Variants in KCNU1 observed in about 807,000 individuals in gnomAD.
The protein encoded by KCNU1 is potassium channel subfamily U member 1.
KCNU1 carries 93 observed loss-of-function variants against 126.8 expected under a neutral mutation model. The observed-to-expected ratio is 0.73, with a 90% confidence interval of 0.62 to 0.87. The LOEUF is 0.87. KCNU1 is among the 40% of genes least tolerant of loss of function. The probability of loss-of-function intolerance (pLI) is 0.00; values close to 1 mark genes in which losing one functional copy is unlikely to be tolerated. For missense variants in KCNU1, 1,330 were observed against 1,367.1 expected (o/e 0.97, Z 0.43); for synonymous variants, 523 against 494.2 (o/e 1.06, Z -0.77).
At chr8:36,900,163 C>T (rs1585534209) in intron 19 of KCNU1, among the ~76,000 whole-genome samples, 1 of 148,094 alleles carries the variant, frequency 6.8e-6, no homozygotes, top group Non-Finnish European at 1.5e-5. Flanking sequence ...ATGCAAGACA[C>T]AGAGCCTGGT....
intron 21 of KCNU1, 96 bp downstream of exon 21, chr8:36,909,631 G>A: frequency 1.4e-6 from 1 of 718,152 alleles, no homozygotes. Context: ...TACAGTCCTT[G>A]CCAGATGCCA....
intron 2 of KCNU1, among the ~76,000 whole-genome samples, chr8:36,802,669 G>A (rs10216867): frequency 0.27 from 41,693 of 152,010 alleles, 7,141 homozygotes; most frequent in African/African-American, 0.46. Flanking sequence ...CAAGGGAACC[G>A]CAAATGGGAT....
At chr8:36,863,010 G>A (rs935528138) in intron 18 of KCNU1, among the ~76,000 whole-genome samples, 15 of 152,150 alleles carry the variant, frequency 9.9e-5, no homozygotes, top group African/African-American at 3.6e-4. Context: ...CATCAGTCAA[G>A]TGAAGGCTTC....
chr8:36,809,610 A>G (rs772943306), intron 7 of KCNU1, among the ~76,000 whole-genome samples: 1 of 152,210 alleles, frequency 6.6e-6, no homozygotes, highest in Non-Finnish European at 1.5e-5. Flanking sequence ...CATCCTCCTC[A>G]GCACTCAGGA....
intron 10 of KCNU1, among the ~76,000 whole-genome samples, chr8:36,818,947 AGTAC>A (rs1804025433): frequency 1.3e-5 from 2 of 152,218 alleles, no homozygotes; most frequent in Admixed American, 1.3e-4. Flanking sequence ...AAAAACAAAG[AGTAC>A]TAAAACTAGG....
intron 26 of KCNU1, among the ~76,000 whole-genome samples, chr8:36,935,185 G>A (rs556366861): frequency 8.6e-5 from 13 of 152,002 alleles, no homozygotes; most frequent in East Asian, 7.8e-4. Context: ...CCAAATCACC[G>A]TCTTCCCCCT....
intron 19 of KCNU1, among the ~76,000 whole-genome samples, chr8:36,898,952 A>G (rs1260943390): frequency 6.6e-6 from 1 of 152,078 alleles, no homozygotes; most frequent in Admixed American, 6.6e-5. Context: ...CTGTACTAAC[A>G]TTGTAGAAAA....
chr8:36,860,494 C>A (rs774833409), intron 18 of KCNU1, among the ~76,000 whole-genome samples: 66 of 152,240 alleles, frequency 4.3e-4, no homozygotes, highest in Admixed American at 1.7e-3. Flanking sequence ...AGTTTTTGGG[C>A]ATGAAGTTTC....
chr8:36,787,228 G>C (rs556760263), intron 1 of KCNU1, 78 bp from the exon 2 acceptor site: 63 of 1,305,942 alleles, frequency 4.8e-5, no homozygotes, highest in African/African-American at 2.7e-4. Flanking sequence ...ATCACAAGAG[G>C]CTCCATCAAC....
rs373319470 is a variant in KCNU1, at chr8:36,935,569, G to A, written c.3099G>A (p.Val1033=). 3.3e-4 allele frequency: 530 copies of A among 1,612,720 alleles called. 3 individuals are homozygous for A. Among genetic ancestry groups the A allele is most frequent in the Non-Finnish European group, 4.3e-4 (512 of 1,179,204 alleles). ...TCAAGCTGCTGCCTTCAGATCTTGT[G>A]TTTTGTGCCATACCCTTCAGCACTG... ...NEFKLLPSDL[V]FCAIPFSTAC... Residue 1033 remains valine (V), a synonymous_variant, in exon 27 of 27, where the codon GTG becomes GTA. Transcript: ENST00000399881.
At chr8:36,828,207 G>A (rs1056390790) in intron 10 of KCNU1, among the ~76,000 whole-genome samples, 2 of 151,980 alleles carry the variant, frequency 1.3e-5, no homozygotes, top group African/African-American at 4.8e-5. Flanking sequence ...AGAAAATCAG[G>A]ATGAGATTTA....
At chr8:36,807,850 T>A (rs1803564795) in intron 6 of KCNU1, among the ~76,000 whole-genome samples, 1 of 151,946 alleles carries the variant, frequency 6.6e-6, no homozygotes, top group Admixed American at 6.6e-5. Context: ...CATTGGAATG[T>A]AAGACAATTC....
intron 19 of KCNU1, among the ~76,000 whole-genome samples, chr8:36,902,546 C>A (rs1807459932): frequency 6.6e-6 from 1 of 152,094 alleles, no homozygotes; most frequent in African/African-American, 2.4e-5. Context: ...GGTAACATAG[C>A]TATTTCCAAA....
At chr8:36,800,621 G>A (rs1803268505) in intron 2 of KCNU1, among the ~76,000 whole-genome samples, 1 of 152,158 alleles carries the variant, frequency 6.6e-6, no homozygotes, top group Non-Finnish European at 1.5e-5. Context: ...CCATGGCTCA[G>A]GTAAAGGGCT....
intron 26 of KCNU1, 83 bp downstream of exon 26, chr8:36,933,115 C>A: frequency 1.1e-6 from 1 of 871,022 alleles, no homozygotes; most frequent in Non-Finnish European, 1.9e-6. Context: ...AAAGAGAATT[C>A]CAGAGCTCAG....
chr8:36,810,438 T>A, intron 7 of KCNU1, among the ~76,000 whole-genome samples: 1 of 152,106 alleles, frequency 6.6e-6, no homozygotes. Context: ...AGCAAGGAAG[T>A]AAGCACAGAA....
chr8:36,808,661 G>A, intron 6 of KCNU1, 57 bp from the exon 7 acceptor site: 1 of 1,050,984 alleles, frequency 9.5e-7, no homozygotes, highest in Non-Finnish European at 1.5e-6. Flanking sequence ...AGGATGAGGT[G>A]TTTGTGTTGT....
intron 19 of KCNU1, among the ~76,000 whole-genome samples, chr8:36,877,874 G>A (rs1383327088): frequency 3.3e-5 from 5 of 151,974 alleles, no homozygotes; most frequent in Non-Finnish European, 7.4e-5. Flanking sequence ...CTCTAAACTC[G>A]AACTATATTC....
At position 36,911,084 on chromosome 8, in the gene KCNU1, T is replaced by C. The variant is rs1807854706; in HGVS notation, c.2486T>C (p.Ile829Thr). 14 of 1,613,494 alleles carry C rather than the reference T, an allele frequency of 8.7e-6. No individual in the cohort carries two copies. The highest frequency in any genetic ancestry group is 1.3e-5 in the African/African-American group (1 of 74,966). ...ACCCTCACCATCGGATCCTTGCAAA[T>C]TGACTCCTCCTCTGACCCGTCACCC... The part of the protein sequence containing the change: ...MATLTIGSLQ[I>T]DSSSDPSPSV... Residue 829 changes from isoleucine (I) to threonine (T), a missense_variant, in exon 22 of 27, where the codon ATT becomes ACT. By Grantham distance (89) the Ile-to-Thr change is moderately conservative. This residue lies in a region of KCNU1 where 1,054 missense variants were observed against 1,053.9 expected (regional missense o/e 1.00). Transcript: ENST00000399881.
Sources: gnomAD v4.1 joint callset for allele counts (sites outside exome capture counted in the v4.1 genomes callset) on GRCh38, gnomAD v4.1.1 for gene constraint, gnomAD v4.1.1 regional missense constraint, MANE v1.5 for transcripts, NCBI Gene and HGNC (gene_info 2026-07-23, HGNC 2026-07-21) for gene names.